Variants in CD8B2 observed in about 807,000 individuals in gnomAD.
CD8B2 encodes the protein T-cell surface glycoprotein CD8 beta-2 chain.
A neutral mutation model predicts 23.7 loss-of-function variants in CD8B2; 11 were observed. That is an observed-to-expected ratio of 0.46 (90% CI 0.29 to 0.77). The LOEUF is 0.77. Ranked by LOEUF, CD8B2 falls within the 30% of genes least tolerant of loss-of-function variation. CD8B2 has a pLI of 0.09. For missense variants in CD8B2, 197 were observed against 270.5 expected, an observed-to-expected ratio of 0.73 and a Z score of 1.91; for synonymous variants, 90 against 109.3, an observed-to-expected ratio of 0.82 and a Z score of 1.10.
intron 5 of CD8B2, 21 bp from the exon 6 acceptor site, chr2:106,506,907 A>G: frequency 6.3e-7 from 1 of 1,576,052 alleles, no homozygotes; most frequent in Non-Finnish European, 8.6e-7. Flanking sequence ...AAGTGGTTTC[A>G]CAACTTGCTG....
At position 106,493,560 on chromosome 2, in the gene CD8B2, C is replaced by T. The variant is rs369968197; in HGVS notation, c.403+2327C>T. On this transcript the variant is annotated intron_variant, in intron 2 of 5. Transcript: ENST00000643224. ...AAGTCAAACAGAACTACTCTAGGGCCGTGAGGATTGAAGGAGGCAACACTC... is the reference window on the plus strand; with the variant it reads ...AAGTCAAACAGAACTACTCTAGGGCTGTGAGGATTGAAGGAGGCAACACTC... Among the ~76,000 whole-genome samples the T allele has an allele frequency of 2.9e-3, 440 of 152,088 alleles. 3 individuals carry two copies. The highest frequency in any genetic ancestry group is 0.01 in the African/African-American group (419 of 41,478).
chr2:106,497,721 C>T (rs1679326136), intron 3 of CD8B2, among the ~76,000 whole-genome samples: 1 of 152,146 alleles, frequency 6.6e-6, no homozygotes, highest in Non-Finnish European at 1.5e-5. Context: ...AAAATCAGAA[C>T]CAATGTACAG....
chr2:106,489,665 G>A (rs1241551451), intron 1 of CD8B2, among the ~76,000 whole-genome samples: 2 of 152,164 alleles, frequency 1.3e-5, no homozygotes, highest in African/African-American at 4.8e-5. Context: ...AACCTGTTCT[G>A]ATCCTTCTCC....
At chr2:106,501,999 C>T (rs1679416952) in intron 3 of CD8B2, among the ~76,000 whole-genome samples, 2 of 152,002 alleles carry the variant, frequency 1.3e-5, no homozygotes, top group African/African-American at 4.8e-5. Flanking sequence ...AAAGTGCTTA[C>T]AAAGACTAGA....
intron 5 of CD8B2, among the ~76,000 whole-genome samples, chr2:106,518,991 C>T (rs1329207803): frequency 6.6e-6 from 1 of 151,942 alleles, no homozygotes; most frequent in East Asian, 1.9e-4. Context: ...ATTCATTGCT[C>T]CATCCTCCCT....
intron 5 of CD8B2, among the ~76,000 whole-genome samples, chr2:106,533,765 T>C (rs2104574643): frequency 6.6e-6 from 1 of 152,296 alleles, no homozygotes; most frequent in South Asian, 2.1e-4. Context: ...GTCCTACCCT[T>C]GGTTGAATGG....
At chr2:106,516,328 G>A (rs990007125) in intron 5 of CD8B2, among the ~76,000 whole-genome samples, 7 of 152,160 alleles carry the variant, frequency 4.6e-5, no homozygotes, top group African/African-American at 1.7e-4. Context: ...TCACCCTGAG[G>A]GTGAGTAGGA....
At chr2:106,504,457 C>T (rs1321582054) in intron 5 of CD8B2, 132 bp downstream of exon 5, 1 of 1,525,494 alleles carries the variant, frequency 6.6e-7, no homozygotes, top group Non-Finnish European at 8.8e-7. Context: ...CGTGGTAGTG[C>T]ACACCTGTAG....
At chr2:106,520,200 A>G (rs988167487) in intron 5 of CD8B2, among the ~76,000 whole-genome samples, 9 of 152,254 alleles carry the variant, frequency 5.9e-5, no homozygotes, top group African/African-American at 1.9e-4. Context: ...AAACATTTAT[A>G]TACTCAATGA....
intron 5 of CD8B2, among the ~76,000 whole-genome samples, chr2:106,540,171 G>A (rs1046935747): frequency 2.6e-5 from 4 of 151,534 alleles, no homozygotes; most frequent in South Asian, 4.2e-4. Flanking sequence ...GCAGAGAATC[G>A]TTTATGTAGA....
At chr2:106,531,558 C>A (rs77118502) in intron 5 of CD8B2, among the ~76,000 whole-genome samples, 1 of 152,142 alleles carries the variant, frequency 6.6e-6, no homozygotes, top group Non-Finnish European at 1.5e-5. Context: ...GGATGATGTC[C>A]TGCAGGCTGA....
At chr2:106,516,428 G>A (rs1324968006) in intron 5 of CD8B2, among the ~76,000 whole-genome samples, 1 of 152,172 alleles carries the variant, frequency 6.6e-6, no homozygotes, top group Admixed American at 6.5e-5. Flanking sequence ...CCCCTGGTTT[G>A]TGAAAATATT....
In CD8B2 at chr2:106,508,736, C is replaced by G. The variant is rs1679561558; in HGVS notation, c.*1796C>G. ...GATTTGGTCCATGGCTAATGAAAGG[C>G]TGAGGTGAATTGACGCCCTATGCGG... On this transcript the variant is annotated 3_prime_UTR_variant, in exon 6 of 6. Coordinates refer to ENST00000643224, the MANE Select transcript of CD8B2 (RefSeq NM_001349727.2). 6.6e-6 allele frequency: 1 copy of G among 152,162 alleles called. No individual in the cohort carries two copies. Among genetic ancestry groups the G allele is most frequent in the Non-Finnish European group, 1.5e-5 (1 of 68,032 alleles). 9.4% of individuals were successfully genotyped at this position (152,162 alleles called of 1,614,324 possible). A position where few individuals can be genotyped will look rare whatever the true frequency, so the allele number is the denominator to read the frequency against.
downstream of CD8B2, among the ~76,000 whole-genome samples, chr2:106,511,812 C>T (rs1461016452): frequency 6.6e-6 from 1 of 152,176 alleles, no homozygotes; most frequent in Non-Finnish European, 1.5e-5. Flanking sequence ...CTGGAGTCCT[C>T]CCAGTTACAT....
intron 5 of CD8B2, among the ~76,000 whole-genome samples, chr2:106,516,121 C>T (rs899192205): frequency 6.6e-6 from 1 of 152,130 alleles, no homozygotes; most frequent in Non-Finnish European, 1.5e-5. Flanking sequence ...TGAGCCACTG[C>T]ACTGGGCCTG....
chr2:106,537,723 C>A lies in CD8B2; in HGVS notation c.621-6269C>A, dbSNP rs148844537. ...TTCTTACTGAAGTGGCGGTCGATTT[C>A]TAAAAGCCCTTGCAGAGGATTTCTG... On this transcript the variant is annotated intron_variant, in intron 5 of 5. Transcript: ENST00000416057. 2.2e-4 allele frequency among the ~76,000 whole-genome samples: 33 copies of A among 152,258 alleles called. 2 individuals carry two copies. The highest frequency in any genetic ancestry group is 7.2e-4 in the African/African-American group (30 of 41,560).
At chr2:106,538,406 T>C (rs1326380745) in intron 5 of CD8B2, among the ~76,000 whole-genome samples, 1 of 152,170 alleles carries the variant, frequency 6.6e-6, no homozygotes, top group East Asian at 1.9e-4. Flanking sequence ...TACTTGTTCT[T>C]AAAATTGATC....
At chr2:106,528,062 G>A (rs1454645201) in intron 5 of CD8B2, among the ~76,000 whole-genome samples, 1 of 152,220 alleles carries the variant, frequency 6.6e-6, no homozygotes, top group Middle Eastern at 3.2e-3. Flanking sequence ...GAGCAGGGCT[G>A]GCCGGGCATC....
rs536782533 is a variant in CD8B2, at chr2:106,498,233, C to T, written c.493+1971C>T. Among the ~76,000 whole-genome samples, 97 of 151,952 alleles carry T rather than the reference C, an allele frequency of 6.4e-4. 1 individual carries two copies. Among genetic ancestry groups the T allele is most frequent in the East Asian group, 4.3e-3 (22 of 5,162 alleles). Reference sequence around the variant, plus strand: ...CGTGATCTCAGCTCATTGCAACCTCCGCCTCCCAGGTTCAAGTGATTCTCC... The same window carrying T: ...CGTGATCTCAGCTCATTGCAACCTCTGCCTCCCAGGTTCAAGTGATTCTCC... On this transcript the variant is annotated intron_variant, in intron 3 of 5. Coordinates refer to ENST00000643224, the MANE Select transcript of CD8B2 (RefSeq NM_001349727.2).
Sources: gnomAD v4.1 joint callset for allele counts (sites outside exome capture counted in the v4.1 genomes callset) on GRCh38, gnomAD v4.1.1 for gene constraint, MANE v1.5 for transcripts, NCBI Gene and HGNC (gene_info 2026-07-23, HGNC 2026-07-21) for gene names.